Variants in TPD52L1 observed in about 807,000 individuals in gnomAD.
TPD52L1 encodes the protein TPD52 like 1.
In TPD52L1, 18 loss-of-function variants were observed where a neutral mutation model predicts 28.7. That is an observed-to-expected ratio of 0.63 (90% confidence interval 0.43 to 0.93). The LOEUF (loss-of-function observed/expected upper bound fraction) is 0.93, where lower values mean the gene tolerates loss of function less well. TPD52L1 is among the 40% of genes least tolerant of loss of function. TPD52L1 has a pLI of 0.00. For synonymous variants in TPD52L1, 75 were observed against 88.8 expected, an observed-to-expected ratio of 0.84 and a Z score of 0.88; for missense variants, 203 against 254.8, an observed-to-expected ratio of 0.80 and a Z score of 1.39.
chr6:125,180,912 T>C (rs1325046850), intron 1 of TPD52L1, among the ~76,000 whole-genome samples: 1 of 115,816 alleles, frequency 8.6e-6, no homozygotes, highest in Admixed American at 9.1e-5. Context: ...GCTGAATGCT[T>C]TTCAGTATAT....
intron 3 of TPD52L1, among the ~76,000 whole-genome samples, chr6:125,244,326 G>A (rs1319853517): frequency 6.6e-6 from 1 of 152,198 alleles, no homozygotes; most frequent in Non-Finnish European, 1.5e-5. Context: ...TGTGGCTAAG[G>A]CAGGTGGGTA....
intron 1 of TPD52L1, among the ~76,000 whole-genome samples, chr6:125,208,313 A>AT: frequency 6.6e-6 from 1 of 152,346 alleles, no homozygotes; most frequent in Non-Finnish European, 1.5e-5. Flanking sequence ...ATAAGGAGGA[A>AT]TAAACACAGT....
At chr6:125,201,013 TTTGA>T (rs1793769599) in intron 1 of TPD52L1, among the ~76,000 whole-genome samples, 1 of 152,184 alleles carries the variant, frequency 6.6e-6, no homozygotes. Context: ...GTTACAGCAA[TTTGA>T]TTGGTTTATA....
At chr6:125,252,807 CT>C (rs1206907526) in intron 4 of TPD52L1, 1 of 152,098 alleles carries the variant, frequency 6.6e-6, no homozygotes, top group Non-Finnish European at 1.5e-5. Flanking sequence ...TTTGTTTGTC[CT>C]TTTCTTTCTG....
intron 1 of TPD52L1, among the ~76,000 whole-genome samples, chr6:125,193,366 G>A (rs1793186601): frequency 6.6e-6 from 1 of 152,090 alleles, no homozygotes; most frequent in Non-Finnish European, 1.5e-5. Context: ...GGGTAGGGTG[G>A]GGTGAGGTGT....
At chr6:125,208,069 A>G (rs866984729) in intron 1 of TPD52L1, among the ~76,000 whole-genome samples, 4 of 152,164 alleles carry the variant, frequency 2.6e-5, no homozygotes, top group South Asian at 2.1e-4. Context: ...CCCTTTTTCA[A>G]TATAGTTTCA....
intron 6 of TPD52L1, 37 bp from the exon 7 acceptor site, chr6:125,262,797 A>T: frequency 6.4e-7 from 1 of 1,569,916 alleles, no homozygotes. Context: ...AATGATAGTA[A>T]CAACTAACTG....
chr6:125,163,642 C>G (rs1790675267), intron 1 of TPD52L1, among the ~76,000 whole-genome samples: 1 of 149,886 alleles, frequency 6.7e-6, no homozygotes, highest in Non-Finnish European at 1.5e-5. Context: ...ATAAGTACAA[C>G]AGGCCGGGCG....
At chr6:125,167,796 A>C in intron 1 of TPD52L1, among the ~76,000 whole-genome samples, 1 of 152,138 alleles carries the variant, frequency 6.6e-6, no homozygotes, top group Non-Finnish European at 1.5e-5. Flanking sequence ...TCCACAGGGT[A>C]GGAAAGCCCC....
chr6:125,237,828 T>TTTTC (rs146688619), intron 3 of TPD52L1, among the ~76,000 whole-genome samples: 2 of 152,102 alleles, frequency 1.3e-5, no homozygotes, highest in Non-Finnish European at 2.9e-5. Flanking sequence ...TTTTGTTTTG[T>TTTTC]TTTGCTTTTT....
At position 125,166,060 on chromosome 6, in the gene TPD52L1, C is replaced by T. The variant is rs145313565; in HGVS notation, c.19+12090C>T. On this transcript the variant is annotated intron_variant, in intron 1 of 6. Coordinates refer to ENST00000534000, the MANE Select transcript of TPD52L1 (RefSeq NM_003287.4). Reference sequence around the variant, plus strand: ...CCCAAAAAAAGAAAGCTTTTTATTGCCTCATGAGTATTATAATTACTTGTT... The same window carrying T: ...CCCAAAAAAAGAAAGCTTTTTATTGTCTCATGAGTATTATAATTACTTGTT... 1.8e-3 allele frequency among the ~76,000 whole-genome samples: 276 copies of T among 152,146 alleles called. 1 individual carries two copies. Among genetic ancestry groups the T allele is most frequent in the African/African-American group, 6.3e-3 (261 of 41,508 alleles).
intron 1 of TPD52L1, among the ~76,000 whole-genome samples, chr6:125,207,615 T>A (rs190003953): frequency 2.6e-5 from 4 of 152,232 alleles, no homozygotes; most frequent in African/African-American, 4.8e-5. Context: ...GCTTACTGCC[T>A]ATTAGAAAAG....
chr6:125,170,812 C>T (rs1162327715), intron 1 of TPD52L1, among the ~76,000 whole-genome samples: 1 of 152,174 alleles, frequency 6.6e-6, no homozygotes, highest in Non-Finnish European at 1.5e-5. Flanking sequence ...CTTTAGCCCT[C>T]TTCTAGCTGA....
At chr6:125,184,749 A>G (rs1792476515) in intron 1 of TPD52L1, among the ~76,000 whole-genome samples, 1 of 152,202 alleles carries the variant, frequency 6.6e-6, no homozygotes, top group African/African-American at 2.4e-5. Flanking sequence ...ACAAGAGAAA[A>G]AAAGGTAATA....
intron 1 of TPD52L1, among the ~76,000 whole-genome samples, chr6:125,192,590 T>C (rs1024772502): frequency 5.3e-5 from 8 of 152,220 alleles, no homozygotes; most frequent in African/African-American, 1.9e-4. Flanking sequence ...TCTTCATTCC[T>C]AAGAAAACCA....
intron 2 of TPD52L1, among the ~76,000 whole-genome samples, chr6:125,226,092 A>C (rs1180616494): frequency 1.3e-5 from 2 of 152,220 alleles, no homozygotes; most frequent in Non-Finnish European, 2.9e-5. Context: ...ACGTTAATGT[A>C]ATTAAAGATT....
At chr6:125,207,262 G>A (rs1312472621) in intron 1 of TPD52L1, among the ~76,000 whole-genome samples, 2 of 152,290 alleles carry the variant, frequency 1.3e-5, no homozygotes, top group East Asian at 1.9e-4. Flanking sequence ...TCAAATTTCT[G>A]CATGAGGTGT....
chr6:125,220,302 C>A, intron 2 of TPD52L1, 109 bp downstream of exon 2: 1 of 710,886 alleles, frequency 1.4e-6, no homozygotes, highest in Non-Finnish European at 2.3e-6. Context: ...TGTTGTCTTT[C>A]ATTTAATAAA....
At chr6:125,183,759 C>CT (rs1298371402) in intron 1 of TPD52L1, among the ~76,000 whole-genome samples, 1 of 152,042 alleles carries the variant, frequency 6.6e-6, no homozygotes, top group Non-Finnish European at 1.5e-5. Context: ...TTTTAGCAAC[C>CT]TTTTTTCCGC....
Sources: gnomAD v4.1 joint callset for allele counts (sites outside exome capture counted in the v4.1 genomes callset) on GRCh38, gnomAD v4.1.1 for gene constraint, MANE v1.5 for transcripts, NCBI Gene and HGNC (gene_info 2026-07-23, HGNC 2026-07-21) for gene names.